Variants in LMF2 observed in about 807,000 individuals in gnomAD.
LMF2 encodes the protein transmembrane protein 112B.
In LMF2, 113 loss-of-function variants were observed where a neutral mutation model predicts 81.5. The ratio of observed to expected loss-of-function variants is 1.39; its 90% CI spans 1.19 to 1.62. The LOEUF is 1.62. Ranked by LOEUF, LMF2 falls within the 40% of genes most tolerant of loss-of-function variation. LMF2 has a pLI of 0.00. For missense variants in LMF2, 1,235 were observed against 929.1 expected, an observed-to-expected ratio of 1.33 and a Z score of -4.28; for synonymous variants, 645 against 424.5, an observed-to-expected ratio of 1.52 and a Z score of -6.39.
chr22:50,507,441 G>T, intron 1 of LMF2, 141 bp downstream of exon 1: 2 of 721,610 alleles, frequency 2.8e-6, no homozygotes, highest in East Asian at 2.7e-5. Flanking sequence ...CGGCCTGCAG[G>T]ACACGAACCG....
rs767018704 is a variant in LMF2 at position 50,506,468 on chromosome 22, C to A, written c.412G>T (p.Val138Leu). 3.2e-6 allele frequency: 5 copies of A among 1,551,294 alleles called. No individual in the cohort carries two copies. The highest frequency in any genetic ancestry group is 1.2e-5 in the South Asian group (1 of 84,664). The part of the protein sequence containing the change: ...SLLLETGFLA[V>L]LVAPLRPASH... ...GCTGGCCTCAGCGGGGCCACCAGCA[C>A]GGCCAGGAAGCCAGTCTCTAGCAGC... The change falls in exon 4 of 14, where the codon GTG (valine) becomes TTG (leucine). Residue 138 changes from valine (V) to leucine (L), a missense_variant. Val to Leu is a conservative substitution (Grantham distance 32). Coordinates refer to ENST00000474879, the MANE Select transcript of LMF2 (RefSeq NM_033200.3).
At position 50,504,435 on chromosome 22, in the gene LMF2, C is replaced by A. The variant is rs778814819; in HGVS notation, c.1623G>T (p.Gln541His). 56 of 1,611,838 alleles carry A rather than the reference C, an allele frequency of 3.5e-5. No individual in the cohort carries two copies. Among genetic ancestry groups the A allele is most frequent in the Non-Finnish European group, 4.7e-5 (55 of 1,179,662 alleles). ...GGAAGGGATACCTGGCCACTTGGCT[C>A]TGGACAAGGCGGATCACTGCAGCGA... ...QGKEPVIRLV[Q>H]SQVARYPFHK... Residue 541 changes from glutamine (Q) to histidine (H), a missense_variant, in exon 12 of 14, where the codon CAG (glutamine) becomes CAT (histidine). Physicochemically the swap from Gln to His is conservative, Grantham distance 24 (BLOSUM62 0). Coordinates refer to ENST00000474879, the MANE Select transcript of LMF2 (RefSeq NM_033200.3).
Position 50,505,321 on chromosome 22 carries a change from G to C in LMF2, c.1065C>G (p.His355Gln). ...GTGTCTTCAGCCACTGAGAAAACTG[G>C]TGGAAGGTGAAAGCTGGTGGAGGAG... The part of the protein sequence containing the change: ...TIHSRTTFTF[H>Q]QFSQWLKTLT... Residue 355 changes from histidine to glutamine, a missense_variant, in exon 8 of 14, where the codon CAC becomes CAG. Physicochemically the swap from His to Gln is conservative, Grantham distance 24. Transcript: ENST00000474879. The C allele has an allele frequency of 6.2e-7, 1 of 1,613,332 alleles. No individual in the cohort carries two copies. Among genetic ancestry groups the C allele is most frequent in the Non-Finnish European group, 8.5e-7 (1 of 1,180,018 alleles).
In LMF2 at chr22:50,505,057, C is replaced by A; in HGVS notation, c.1254G>T (p.Leu418=). ...CCCCCAGCCCTGCAGCGCTACCCAC[C>A]AGGCTAATCAGGAACAAGGCCACGG... ...TATVALFLIS[L]VPYSYVEPGT... is the part of the protein sequence containing the mutation. Residue 418 remains leucine, a splice_region_variant and synonymous_variant, in exon 9 of 14, where the codon CTG becomes CTT. Coordinates refer to ENST00000474879, the MANE Select transcript of LMF2 (RefSeq NM_033200.3). 2 of 1,612,946 alleles carry A rather than the reference C, an allele frequency of 1.2e-6. No homozygotes were observed. The highest frequency in any genetic ancestry group is 1.7e-6 in the Non-Finnish European group (2 of 1,179,982).
Position 50,506,829 on chromosome 22 carries a change from G to A in LMF2, c.301C>T (p.Pro101Ser), listed in dbSNP as rs1379910268. The change falls in exon 2 of 14, where the codon CCT becomes TCT. Residue 101 changes from proline to serine, a missense_variant. Transcript: ENST00000474879. ...GALLLSPLRHPVIYLLLWAAY... is the reference protein window; with the variant it reads ...GALLLSPLRHSVIYLLLWAAY... ...GCCCAAAGCAGCAAGTAGATGACAGGGTGGCGCAGTGGGCTCAGCAGCAGG... is the reference window on the plus strand; with the variant it reads ...GCCCAAAGCAGCAAGTAGATGACAGAGTGGCGCAGTGGGCTCAGCAGCAGG... 6.2e-7 allele frequency: 1 copy of A among 1,606,734 alleles called. No homozygotes were observed. The highest frequency in any genetic ancestry group is 1.3e-5 in the African/African-American group (1 of 74,790).
chr22:50,505,763 A>G lies in LMF2; in HGVS notation c.827T>C (p.Leu276Pro). 1.2e-6 allele frequency: 2 copies of G among 1,613,214 alleles called. No individual in the cohort carries two copies. Among genetic ancestry groups the G allele is most frequent in the East Asian group, 2.2e-5 (1 of 44,872 alleles). The change falls in exon 6 of 14, where the codon CTG (leucine) becomes CCG (proline). Residue 276 changes from leucine to proline, a missense_variant. Transcript: ENST00000474879. ...CGCAGTGGTAAGCACCAGCGTCATC[A>G]GGTTGAAGAAGTTGTAGTTGCCGGT... ...IITGNYNFFN[L>P]MTLVLTTALL...
Position 50,504,969 on chromosome 22 carries a change from C to T in LMF2, c.1270G>A (p.Val424Met), listed in dbSNP as rs369798910. 6.9e-5 allele frequency: 111 copies of T among 1,609,108 alleles called. No homozygotes were observed. The highest frequency in any genetic ancestry group is 1.6e-4 in the Middle Eastern group (1 of 6,064). ...FLISLVPYSYVEPGTHGRLWT... is the reference protein window; with the variant it reads ...FLISLVPYSYMEPGTHGRLWT... ...AGGCGCCCGTGGGTCCCGGGCTCCA[C>T]GTAGGAGTACGGCACCTGGAGACAG... The change falls in exon 10 of 14, where the codon GTG (valine) becomes ATG (methionine). Residue 424 changes from valine (V) to methionine (M), a missense_variant. Transcript: ENST00000474879.
chr22:50,505,638 C>T (rs1569518483), intron 6 of LMF2, 36 bp downstream of exon 6: 1 of 1,611,864 alleles, frequency 6.2e-7, no homozygotes, highest in Non-Finnish European at 8.5e-7. Context: ...GGGGAGAACC[C>T]CTGGGAGGGC....
intron 1 of LMF2, 73 bp from the exon 2 acceptor site, chr22:50,507,108 C>T: frequency 6.6e-7 from 1 of 1,514,832 alleles, no homozygotes. Flanking sequence ...TCAGGGCCTG[C>T]AGATCCCCCA....
Position 50,506,202 on chromosome 22 carries a change from G to T in LMF2, c.607C>A (p.His203Asn). 6.4e-7 allele frequency: 1 copy of T among 1,556,674 alleles called. No homozygotes were observed. The highest frequency in any genetic ancestry group is 8.7e-7 in the Non-Finnish European group (1 of 1,150,338). Residue 203 changes from histidine to asparagine, a missense_variant, in exon 5 of 14, where the codon CAC becomes AAC. Physicochemically the swap from His to Asn is moderately conservative, Grantham distance 68. Transcript: ENST00000474879. Reference protein sequence around the residue: ...AWWGLTALTYHYETQCLPTPA... With the variant: ...AWWGLTALTYNYETQCLPTPA... ...GTGGGCAGGCACTGGGTCTCGTAGT[G>T]GTAGGTGAGGGCTGCAGGCGAGGGC...
At position 50,506,104 on chromosome 22, in the gene LMF2, A is replaced by T. The variant is rs2068556915; in HGVS notation, c.705T>A (p.Ile235=). 1 of 1,588,942 alleles carries T rather than the reference A, an allele frequency of 6.3e-7. No homozygotes were observed. Among genetic ancestry groups the T allele is most frequent in the Non-Finnish European group, 8.6e-7 (1 of 1,167,976 alleles). Residue 235 remains isoleucine (I), a synonymous_variant, in exon 5 of 14, where the codon ATT becomes ATA. Coordinates refer to ENST00000474879, the MANE Select transcript of LMF2 (RefSeq NM_033200.3). ...HKLSVVATFL[I]EIAVPPLFFA... is the part of the protein sequence containing the mutation. ...AGAACAGGGGCGGCACAGCGATCTC[A>T]ATTAGGAAGGTGGCCACCACGCTGA...
chr22:50,505,231 C>T lies in LMF2; in HGVS notation c.1155G>A (p.Trp385Ter), dbSNP rs780055199. Reference protein sequence around the residue: ...SLVWELLSALWRWTQVRGWLR... With the variant: ...SLVWELLSAL ...TCCCTGCTTCCTGGGCCATGTACCT[C>T]CACAGGGCACTCAGCAGCTCCCAGA... Residue 385 changes from tryptophan to a stop codon, truncating the protein, a stop_gained and splice_region_variant, in exon 8 of 14, where the codon TGG becomes TGA. Transcript: ENST00000474879. LOFTEE classifies it high-confidence loss of function. The T allele has an allele frequency of 6.2e-7, 1 of 1,612,908 alleles. No homozygotes were observed. The highest frequency in any genetic ancestry group is 8.5e-7 in the Non-Finnish European group (1 of 1,179,918).
intron 1 of LMF2, 131 bp downstream of exon 1, chr22:50,507,451 G>A: frequency 1.5e-5 from 11 of 754,848 alleles, no homozygotes; most frequent in Middle Eastern, 3.2e-4. Context: ...GACACGAACC[G>A]CCGCCCCCTA....
intron 2 of LMF2, 40 bp downstream of exon 2, chr22:50,506,742 G>C (rs373989947): frequency 1.2e-6 from 2 of 1,612,460 alleles, no homozygotes; most frequent in Non-Finnish European, 1.7e-6. Flanking sequence ...TGGGTGGTGG[G>C]GGTTGGAGAT....
Position 50,504,421 on chromosome 22 carries a change from C to A in LMF2, c.1637G>T (p.Arg546Met). ...GGGCGGCTGCTTGTGGAAGGGATAC[C>A]TGGCCACTTGGCTCTGGACAAGGCG... ...VIRLVQSQVA[R>M]YPFHKQPPTY... is the part of the protein sequence containing the mutation. The change falls in exon 12 of 14, where the codon AGG becomes ATG. Residue 546 changes from arginine to methionine, a missense_variant. Physicochemically the swap from Arg to Met is moderately conservative, Grantham distance 91. Transcript: ENST00000474879. 6.2e-7 allele frequency: 1 copy of A among 1,612,292 alleles called. No homozygotes were observed. The highest frequency in any genetic ancestry group is 1.1e-5 in the South Asian group (1 of 91,076).
intron 5 of LMF2, 45 bp downstream of exon 5, chr22:50,505,990 C>T (rs1023474844): frequency 5.8e-6 from 9 of 1,563,196 alleles, no homozygotes; most frequent in African/African-American, 2.7e-5. Context: ...GCGCTGAAGG[C>T]CGAGCCCTGT....
chr22:50,503,911 C>A lies in LMF2; in HGVS notation c.1719-7G>T, dbSNP rs751414455. ...CTGGCGCCGCCACCACTGGCTGCAG[C>A]AGGACCCGATGTTCAGAAGCTGGAG... On this transcript the variant is annotated splice_region_variant and splice_polypyrimidine_tract_variant and intron_variant, in intron 12 of 13. Coordinates refer to ENST00000474879, the MANE Select transcript of LMF2 (RefSeq NM_033200.3). 1 of 1,603,890 alleles carries A rather than the reference C, an allele frequency of 6.2e-7. No individual in the cohort carries two copies. The highest frequency in any genetic ancestry group is 1.1e-5 in the South Asian group (1 of 91,058).
chr22:50,507,241 C>G (rs1057295290), intron 1 of LMF2: 1 of 803,550 alleles, frequency 1.2e-6, no homozygotes. Context: ...TGCTCAACTA[C>G]CTGAGTCAGG....
intron 1 of LMF2, 51 bp from the exon 2 acceptor site, chr22:50,507,086 ACTACCTCTGAGTCAGGGCCTGCAGATC>A: frequency 6.5e-7 from 1 of 1,540,504 alleles, no homozygotes; most frequent in South Asian, 1.2e-5. Context: ...TGCAGACTAG[ACTACCTCTGAGTCAGGGCCTGCAGATC>A]CCCCAGCCTA....
Sources: allele counts gnomAD v4.1 joint callset, GRCh38; gene constraint gnomAD v4.1.1; transcripts MANE v1.5; gene names NCBI Gene and HGNC (gene_info 2026-07-23, HGNC 2026-07-21).